FABP6: variants seen among roughly 807,000 people sequenced by gnomAD.
The protein encoded by FABP6 is fatty acid binding protein 6.
FABP6 carries 13 observed loss-of-function variants against 14.9 expected under a neutral mutation model. That is an observed-to-expected ratio of 0.87 (90% CI 0.57 to 1.39). The LOEUF is 1.39. FABP6 is among the 40% of genes most tolerant of loss of function. The pLI is 0.00. For synonymous variants in FABP6, 75 were observed against 63.6 expected, an observed-to-expected ratio of 1.18 and a Z score of -0.85; for missense variants, 161 against 167.2, an observed-to-expected ratio of 0.96 and a Z score of 0.20.
chr5:160,221,299 T>C (rs1387788926), intron 3 of FABP6, among the ~76,000 whole-genome samples: 1 of 151,886 alleles, frequency 6.6e-6, no homozygotes, highest in Non-Finnish European at 1.5e-5. Flanking sequence ...GCTCTGGGGA[T>C]TTTTGCAAGG....
At chr5:160,232,411 C>T in intron 2 of FABP6, 138 bp downstream of exon 2, 2 of 792,624 alleles carry the variant, frequency 2.5e-6, no homozygotes, top group East Asian at 5.6e-5. Flanking sequence ...AGTTACTTGG[C>T]AATTTAATGC....
At chr5:160,199,182 G>T in intron 2 of FABP6, 1 of 1,613,740 alleles carries the variant, frequency 6.2e-7, no homozygotes, top group Non-Finnish European at 8.5e-7. Context: ...CTGGAAATAA[G>T]TCATTTGAGG....
At chr5:160,228,788 G>A (rs1474389134), upstream of FABP6, 3 of 299,438 alleles carry the variant, frequency 1.0e-5, no homozygotes, top group Non-Finnish European at 2.0e-5. Flanking sequence ...CTTTGCTCCA[G>A]CTAAACTCAT....
chr5:160,213,120 G>A (rs1190416563), intron 2 of FABP6, among the ~76,000 whole-genome samples: 1 of 152,134 alleles, frequency 6.6e-6, no homozygotes, highest in Non-Finnish European at 1.5e-5. Flanking sequence ...GAGATGGTTG[G>A]TACCACATGA....
intron 1 of FABP6, chr5:160,199,011 A>C: frequency 8.0e-7 from 1 of 1,251,852 alleles, no homozygotes; most frequent in Non-Finnish European, 1.2e-6. Flanking sequence ...TGGTCTCCAG[A>C]GCCCCTCCCA....
intron 1 of FABP6, chr5:160,195,692 C>G (rs142677784): frequency 6.6e-6 from 1 of 152,264 alleles, no homozygotes; most frequent in Non-Finnish European, 1.5e-5. Context: ...CCACTTGCCT[C>G]GGCCTCCTAA....
At chr5:160,229,497 C>T (rs1366546701), upstream of FABP6, 1 of 1,611,226 alleles carries the variant, frequency 6.2e-7, no homozygotes, top group Non-Finnish European at 8.5e-7. Flanking sequence ...GGATAGCAGA[C>T]CCCTCAGCAC....
intron 3 of FABP6, among the ~76,000 whole-genome samples, chr5:160,214,373 C>T (rs559476815): frequency 1.3e-5 from 2 of 151,988 alleles, no homozygotes; most frequent in Admixed American, 6.6e-5. Flanking sequence ...CTATGTTGCT[C>T]AGGCTGGTCT....
intron 1 of FABP6, among the ~76,000 whole-genome samples, chr5:160,191,635 G>A (rs1759395198): frequency 6.6e-6 from 1 of 151,710 alleles, no homozygotes; most frequent in Admixed American, 6.6e-5. Context: ...TAATTGAGAT[G>A]GGGTCTCACT....
At chr5:160,206,281 A>G (rs1759762762) in intron 2 of FABP6, among the ~76,000 whole-genome samples, 1 of 152,146 alleles carries the variant, frequency 6.6e-6, no homozygotes, top group Non-Finnish European at 1.5e-5. Context: ...GATACAAAAA[A>G]TTAGCGGGGC....
intron 1 of FABP6, among the ~76,000 whole-genome samples, chr5:160,188,685 A>G (rs2113044983): frequency 6.6e-6 from 1 of 152,328 alleles, no homozygotes; most frequent in Non-Finnish European, 1.5e-5. Context: ...CAGCGCCGGG[A>G]CCGGGCTGTT....
At chr5:160,199,252 G>T in intron 2 of FABP6, 2 of 1,276,714 alleles carry the variant, frequency 1.6e-6, no homozygotes, top group East Asian at 2.3e-5. Flanking sequence ...GGACTTGCTC[G>T]CCTTTCTCTG....
intron 1 of FABP6, among the ~76,000 whole-genome samples, chr5:160,191,340 G>A (rs576294226): frequency 2.2e-4 from 34 of 151,594 alleles, no homozygotes; most frequent in Admixed American, 1.8e-3. Flanking sequence ...GGTGGCGGGC[G>A]CCTACAGTCC....
intron 2 of FABP6, chr5:160,204,775 G>A (rs1305662555): frequency 6.6e-6 from 1 of 152,462 alleles, no homozygotes; most frequent in Non-Finnish European, 1.5e-5. Context: ...ACAGGTGTAA[G>A]TCACTGCGCA....
intron 2 of FABP6, among the ~76,000 whole-genome samples, chr5:160,202,798 CA>C (rs201563241): frequency 0.31 from 40,143 of 127,640 alleles, 5,626 homozygotes; most frequent in East Asian, 0.58. Context: ...AACTCCATCT[CA>C]AAAAAAAAAA....
intron 3 of FABP6, among the ~76,000 whole-genome samples, chr5:160,219,760 T>C (rs1472989543): frequency 6.6e-6 from 1 of 152,170 alleles, no homozygotes; most frequent in Non-Finnish European, 1.5e-5. Flanking sequence ...GAGAAGCCAC[T>C]TGGTCCTTCT....
At chr5:160,206,905 C>G (rs1233283066) in intron 2 of FABP6, among the ~76,000 whole-genome samples, 5 of 152,164 alleles carry the variant, frequency 3.3e-5, no homozygotes, top group Non-Finnish European at 7.3e-5. Context: ...TAGAGTGTTT[C>G]CACCTTCAAA....
intron 2 of FABP6, among the ~76,000 whole-genome samples, chr5:160,201,235 G>T (rs1286796588): frequency 6.6e-6 from 1 of 152,062 alleles, no homozygotes; most frequent in African/African-American, 2.4e-5. Flanking sequence ...GCATGTAATT[G>T]TAGTCCCAGC....
intron 1 of FABP6, chr5:160,198,993 C>G: frequency 9.6e-7 from 1 of 1,045,102 alleles, no homozygotes; most frequent in Admixed American, 1.8e-5. Flanking sequence ...AATGAATGAA[C>G]AATGAGATGG....
Sources: gnomAD v4.1 joint callset for allele counts (sites outside exome capture counted in the v4.1 genomes callset) on GRCh38, gnomAD v4.1.1 for gene constraint, MANE v1.5 for transcripts, NCBI Gene and HGNC (gene_info 2026-07-23, HGNC 2026-07-21) for gene names.